Variants in NSD3 observed in about 807,000 individuals in gnomAD.
The protein encoded by NSD3 is nuclear receptor binding SET domain protein 3.
In NSD3, 24 loss-of-function variants were observed where a neutral mutation model predicts 160.8. The ratio of observed to expected loss-of-function variants is 0.15; its 90% CI spans 0.11 to 0.21. The LOEUF (loss-of-function observed/expected upper bound fraction) is 0.21, where lower values mean the gene tolerates loss of function less well. NSD3 is among the 10% of genes least tolerant of loss of function. The probability of loss-of-function intolerance (pLI) is 1.00; values close to 1 mark genes in which losing one functional copy is unlikely to be tolerated. For synonymous variants in NSD3, 520 were observed against 600.0 expected, an observed-to-expected ratio of 0.87 and a Z score of 1.95; for missense variants, 1,157 against 1,735.9, an observed-to-expected ratio of 0.67 and a Z score of 5.93.
chr8:38,359,953 A>G (rs1810918704), intron 1 of NSD3, among the ~76,000 whole-genome samples: 1 of 152,148 alleles, frequency 6.6e-6, no homozygotes, highest in South Asian at 2.1e-4. Flanking sequence ...CGATAGTACA[A>G]ATGCAAATTA....
At position 38,346,936 on chromosome 8, in the gene NSD3, G is replaced by T. The variant is rs746190368; in HGVS notation, c.675+561C>A. 4.7e-4 allele frequency among the ~76,000 whole-genome samples: 72 copies of T among 152,066 alleles called. 1 individual carries two copies. The highest frequency in any genetic ancestry group is 8.8e-5 in the Non-Finnish European group (6 of 67,976). On this transcript the variant is annotated intron_variant, in intron 2 of 23. Transcript: ENST00000317025. ...TTATATTATTGCTAAGCAAATTCAC[G>T]CTGAAATCTCAGATATTAAAAAATT... is the stretch of plus-strand genomic sequence containing the variant.
chr8:38,342,911 G>T (rs576851360), intron 2 of NSD3, among the ~76,000 whole-genome samples: 1 of 152,046 alleles, frequency 6.6e-6, no homozygotes, highest in South Asian at 2.1e-4. Context: ...TATACTACAG[G>T]CCAGGTGCCG....
Position 38,329,248 on chromosome 8 carries a change from A to G in NSD3, c.1581+130T>C. ...CTGTCTTTTTTGCCCACAGAGTACAATGACTGTATGTTTCAAATTCAGTGG... is the reference window on the plus strand; with the variant it reads ...CTGTCTTTTTTGCCCACAGAGTACAGTGACTGTATGTTTCAAATTCAGTGG... On this transcript the variant is annotated intron_variant, in intron 6 of 23. Coordinates refer to ENST00000317025, the MANE Select transcript of NSD3 (RefSeq NM_023034.2). This position sits in a 1 kb window ranked among gnomAD's most constrained non-coding sequence, Gnocchi z 4.8. The G allele has an allele frequency of 2.6e-6, 3 of 1,140,358 alleles. No homozygotes were observed. In the South Asian group the frequency reaches 5.0e-5, roughly 19 times the overall value. The allele number at this position is 1,140,358 out of a possible 1,614,324, so 70.6% of individuals were successfully genotyped here.
At chr8:38,346,784 T>C (rs1810548851) in intron 2 of NSD3, among the ~76,000 whole-genome samples, 1 of 152,146 alleles carries the variant, frequency 6.6e-6, no homozygotes. Flanking sequence ...CTTATTCAGG[T>C]ATAACACATA....
chr8:38,299,318 C>T (rs1809228662), intron 15 of NSD3, 126 bp downstream of exon 15: 2 of 995,512 alleles, frequency 2.0e-6, no homozygotes, highest in Admixed American at 6.5e-5. Context: ...CAGTCACAAC[C>T]ACCAAGGCAG....
At chr8:38,348,294 C>T (rs1396740148) in intron 1 of NSD3, 79 bp from the exon 2 acceptor site, 42 of 1,183,120 alleles carry the variant, frequency 3.5e-5, no homozygotes, top group Non-Finnish European at 4.8e-5. Flanking sequence ...AAGGATTAAA[C>T]TAAAATGTTT....
chr8:38,318,380 A>T lies in NSD3; in HGVS notation c.1855+515T>A, dbSNP rs1038567989. On this transcript the variant is annotated intron_variant, in intron 9 of 23. Coordinates refer to ENST00000317025, the MANE Select transcript of NSD3 (RefSeq NM_023034.2). This position sits in a 1 kb window ranked among gnomAD's most constrained non-coding sequence, Gnocchi z 5.3. ...GTTTAAGCTTTCTTAAACTTTGTGCATATCTCAAATAGATTCGCATAAGGT... is the reference window on the plus strand; with the variant it reads ...GTTTAAGCTTTCTTAAACTTTGTGCTTATCTCAAATAGATTCGCATAAGGT... Among the ~76,000 whole-genome samples the T allele has an allele frequency of 6.6e-6, 1 of 152,192 alleles. No homozygotes were observed. The highest frequency in any genetic ancestry group is 1.5e-5 in the Non-Finnish European group (1 of 68,014).
intron 16 of NSD3, 89 bp from the exon 17 acceptor site, chr8:38,290,766 T>A: frequency 7.5e-7 from 1 of 1,327,434 alleles, no homozygotes; most frequent in Non-Finnish European, 1.0e-6. Flanking sequence ...AAAAAGTTTT[T>A]GTATTTTGCA....
intron 1 of NSD3, among the ~76,000 whole-genome samples, chr8:38,351,385 C>T (rs1810696343): frequency 6.6e-6 from 1 of 151,506 alleles, no homozygotes; most frequent in Admixed American, 6.6e-5. Context: ...GATCCTGAGG[C>T]CGGGCGCCGT....
At position 38,299,574 on chromosome 8, in the gene NSD3, G is replaced by A. The variant is rs1809234198; in HGVS notation, c.2628C>T (p.Asp876=). ...ATGAACTGAACATGGGGTCTGAATG[G>A]TCCTGAACTATCAGCCCTATACGAA... ...FVCARGLIVQ[D]HSDPMFSSYA... Residue 876 remains aspartate (D), a synonymous_variant, in exon 15 of 24, where the codon GAC becomes GAT. Transcript: ENST00000317025. 6 of 1,605,214 alleles carry A rather than the reference G, an allele frequency of 3.7e-6. No homozygotes were observed. The African/African-American group carries it at 5.4e-5, about 14-fold the overall frequency.
chr8:38,351,490 C>T (rs1433465739), intron 1 of NSD3, among the ~76,000 whole-genome samples: 3 of 151,152 alleles, frequency 2.0e-5, no homozygotes, highest in South Asian at 2.1e-4. Flanking sequence ...CAGTGAAACC[C>T]CGTCTCTGCT....
intron 1 of NSD3, among the ~76,000 whole-genome samples, chr8:38,359,321 A>C (rs1810902161): frequency 6.6e-6 from 1 of 152,214 alleles, no homozygotes; most frequent in African/African-American, 2.4e-5. Flanking sequence ...ACCTTTAGAA[A>C]TCAGCAAAAC....
At position 38,378,641 on chromosome 8, in the gene NSD3, CAAAACA is replaced by C. The variant is rs750929938; in HGVS notation, c.-45+3152_-45+3157del. Reference sequence around the variant, plus strand: ...TGGGTGACAGAGCGAGACTCCGTCTCAAAACAAAAACAAAAACAAAAAAACACAAAA... The same window carrying C: ...TGGGTGACAGAGCGAGACTCCGTCTCAAAACAAAAACAAAAAAACACAAAA... On this transcript the variant is annotated intron_variant, in intron 1 of 23. Coordinates refer to ENST00000317025, the MANE Select transcript of NSD3 (RefSeq NM_023034.2). Among the ~76,000 whole-genome samples, 7 of 151,656 alleles carry C rather than the reference CAAAACA, an allele frequency of 4.6e-5. No homozygotes were observed. In the South Asian group the frequency reaches 6.2e-4, roughly 13 times the overall value.
At chr8:38,299,185 C>T (rs1299690034) in intron 15 of NSD3, among the ~76,000 whole-genome samples, 1 of 152,082 alleles carries the variant, frequency 6.6e-6, no homozygotes, top group Non-Finnish European at 1.5e-5. Context: ...CCTAGTCTTC[C>T]TATTTTAATA....
chr8:38,297,384 T>C (rs995056379), intron 15 of NSD3, among the ~76,000 whole-genome samples: 2 of 152,204 alleles, frequency 1.3e-5, no homozygotes, highest in Non-Finnish European at 2.9e-5. Flanking sequence ...AGATGAAATA[T>C]AATAAAGACA....
Position 38,307,135 on chromosome 8 carries a change from A to T in NSD3, c.2243-1690T>A, listed in dbSNP as rs200232482. On this transcript the variant is annotated intron_variant, in intron 12 of 23. Coordinates refer to ENST00000317025, the MANE Select transcript of NSD3 (RefSeq NM_023034.2). ...GTCTCAAAAAAAAAAAAAATAAAAT[A>T]AAATAAATAAATAAATAAATAAATA... 6.9e-3 allele frequency among the ~76,000 whole-genome samples: 649 copies of T among 93,606 alleles called. 4 individuals carry two copies. Among genetic ancestry groups the T allele is most frequent in the African/African-American group, 0.02 (504 of 25,156 alleles). The allele number at this position is 93,606 out of a possible 152,430, so 61.4% of individuals were successfully genotyped here.
intron 1 of NSD3, among the ~76,000 whole-genome samples, chr8:38,370,380 A>ATT (rs550018393): frequency 3.9e-4 from 53 of 137,410 alleles, no homozygotes; most frequent in African/African-American, 1.1e-3. Flanking sequence ...GTCCAGGAGA[A>ATT]TTTTTTTTTT....
intron 2 of NSD3, among the ~76,000 whole-genome samples, chr8:38,342,500 C>G (rs1304424741): frequency 6.6e-6 from 1 of 152,008 alleles, no homozygotes; most frequent in Non-Finnish European, 1.5e-5. Context: ...CATAAGAACA[C>G]CTAAAAATTA....
At chr8:38,296,044 T>G in intron 15 of NSD3, 92 bp from the exon 16 acceptor site, 2 of 1,307,580 alleles carry the variant, frequency 1.5e-6, no homozygotes, top group Non-Finnish European at 1.0e-6. Flanking sequence ...CACATTAAAT[T>G]TGTTTCAAAT....
Sources: allele counts gnomAD v4.1 joint callset (sites outside exome capture counted in the v4.1 genomes callset), GRCh38; gene constraint gnomAD v4.1.1; non-coding constraint Gnocchi (gnomAD v3.1); transcripts MANE v1.5; gene names NCBI Gene and HGNC (gene_info 2026-07-23, HGNC 2026-07-21).